The following HIVEP3 variants were observed in gnomAD, a reference collection of about 807,000 sequenced individuals.
HIVEP3 encodes transcription factor HIVEP3.
A neutral mutation model predicts 152.8 loss-of-function variants in HIVEP3; 49 were observed. The ratio of observed to expected loss-of-function variants is 0.32; its 90% CI spans 0.26 to 0.41. HIVEP3 has a LOEUF of 0.41. HIVEP3 is among the 10% of genes least tolerant of loss of function. The pLI is 1.00. For synonymous variants in HIVEP3, 1,269 were observed against 1,289.0 expected (o/e 0.98, Z 0.33); for missense variants, 2,790 against 3,103.3 (o/e 0.90, Z 2.40).
intron 5 of HIVEP3, among the ~76,000 whole-genome samples, chr1:41,541,407 A>AG (rs1643528297): frequency 6.6e-6 from 1 of 152,110 alleles, no homozygotes; most frequent in African/African-American, 2.4e-5. Flanking sequence ...TCCCTTTGTG[A>AG]GCCCCATGGC....
chr1:41,743,892 A>T (rs544530761), intron 1 of HIVEP3, among the ~76,000 whole-genome samples: 57 of 152,086 alleles, frequency 3.7e-4, no homozygotes, highest in Non-Finnish European at 7.4e-4. Flanking sequence ...TGGGGGAGGG[A>T]GGGACTCCCT....
In HIVEP3 at chr1:41,679,215, C is replaced by T. The variant is rs145051168; in HGVS notation, c.-721+21701G>A. Among the ~76,000 whole-genome samples, 359 of 152,298 alleles carry T rather than the reference C, an allele frequency of 2.4e-3. 3 individuals are homozygous for T. Among genetic ancestry groups the T allele is most frequent in the South Asian group, 0.015 (74 of 4,820 alleles). The stretch of plus-strand genomic sequence containing the variant: ...CCACTCCCCTACTCTTTTTGACATG[C>T]GTCCAATTCTGGTGGCTCAAGTTTT... On this transcript the variant is annotated intron_variant, in intron 2 of 8. Coordinates refer to ENST00000372583, the MANE Select transcript of HIVEP3 (RefSeq NM_024503.5).
rs149173840 is a variant in HIVEP3 at position 41,864,894 on chromosome 1, A to C, written c.-801+53519T>G. Among the ~76,000 whole-genome samples the C allele has an allele frequency of 8.5e-5, 13 of 152,324 alleles. No homozygotes were observed. The East Asian group carries it at 2.1e-3, about 25-fold the overall frequency. On this transcript the variant is annotated intron_variant, in intron 1 of 8. Transcript: ENST00000372583. ...TCACCCTTGACCCAGCCCATTCATC[A>C]GTATGTTGATAAGCAGATTCTCTTC...
chr1:41,513,686 G>T lies in HIVEP3; in HGVS notation c.5535C>A (p.His1845Gln). Residue 1845 changes from histidine (H) to glutamine (Q), a missense_variant, in exon 8 of 9, where the codon CAC becomes CAA. Transcript: ENST00000372583. ...CCGAGTCCTCCAGGTCCGAAAACTG[G>T]TGCTCCTCCACAGCCTCTGAACCCT... ...GREGSEAVEE[H>Q]QFSDLEDSDS... 1.2e-6 allele frequency: 2 copies of T among 1,611,588 alleles called. No homozygotes were observed. Among genetic ancestry groups the T allele is most frequent in the Non-Finnish European group, 1.7e-6 (2 of 1,179,000 alleles).
chr1:41,961,160 G>A (rs1349295501), intron 1 of HIVEP3, among the ~76,000 whole-genome samples: 4 of 152,200 alleles, frequency 2.6e-5, no homozygotes, highest in Non-Finnish European at 5.9e-5. Context: ...ACCAAGCTGT[G>A]TGGAAGCTCA....
intron 1 of HIVEP3, among the ~76,000 whole-genome samples, chr1:41,887,198 C>T (rs552167180): frequency 4.0e-5 from 6 of 150,722 alleles, no homozygotes; most frequent in African/African-American, 1.5e-4. Flanking sequence ...AAAATATATT[C>T]AGGGAAAAAA....
intron 2 of HIVEP3, among the ~76,000 whole-genome samples, chr1:41,677,289 G>A (rs537852820): frequency 4.8e-4 from 73 of 152,306 alleles, no homozygotes; most frequent in Non-Finnish European, 4.6e-4. Context: ...CGCTTCACAC[G>A]TATAATCCGG....
intron 1 of HIVEP3, among the ~76,000 whole-genome samples, chr1:41,951,315 C>G (rs1337016979): frequency 2.0e-5 from 3 of 152,132 alleles, no homozygotes; most frequent in Non-Finnish European, 1.5e-5. Context: ...AAAAAGATAG[C>G]ACACTGTATG....
intron 5 of HIVEP3, among the ~76,000 whole-genome samples, chr1:41,544,844 TACCACCACCACCACCAC>T (rs1643661546): frequency 8.5e-5 from 1 of 11,816 alleles, no homozygotes; most frequent in East Asian, 3.3e-3. Flanking sequence ...CCACCACCAC[TACCACCACCACCACCAC>T]CACCACCACC....
intron 1 of HIVEP3, among the ~76,000 whole-genome samples, chr1:41,971,768 G>T (rs980544630): frequency 1.3e-5 from 2 of 152,118 alleles, no homozygotes; most frequent in Non-Finnish European, 2.9e-5. Context: ...AATTCATGTT[G>T]CAACTTAACC....
At chr1:41,778,159 G>C (rs1371864136) in intron 1 of HIVEP3, among the ~76,000 whole-genome samples, 2 of 152,216 alleles carry the variant, frequency 1.3e-5, no homozygotes, top group African/African-American at 4.8e-5. Context: ...CTTCGGTAAT[G>C]AACGAAGGAA....
At chr1:41,711,919 A>G (rs1646519678) in intron 1 of HIVEP3, among the ~76,000 whole-genome samples, 1 of 152,208 alleles carries the variant, frequency 6.6e-6, no homozygotes, top group East Asian at 1.9e-4. Flanking sequence ...CCAACCTTGG[A>G]GGTCAGGACA....
At chr1:41,874,240 G>A (rs1452051636) in intron 1 of HIVEP3, among the ~76,000 whole-genome samples, 6 of 152,214 alleles carry the variant, frequency 3.9e-5, no homozygotes, top group Non-Finnish European at 7.3e-5. Flanking sequence ...GTTTTTAAAA[G>A]GAGCCAAGAG....
intron 1 of HIVEP3, among the ~76,000 whole-genome samples, chr1:41,822,542 A>T (rs1478633106): frequency 6.6e-6 from 1 of 152,200 alleles, no homozygotes; most frequent in Non-Finnish European, 1.5e-5. Context: ...CACAGGGATG[A>T]AGAAAGAATA....
At chr1:41,651,411 C>CAAAAAAA (rs35508121) in intron 2 of HIVEP3, among the ~76,000 whole-genome samples, 1 of 89,066 alleles carries the variant, frequency 1.1e-5, no homozygotes, top group Non-Finnish European at 2.2e-5. Flanking sequence ...AACTCCATCT[C>CAAAAAAA]AAAAAAAAAA....
At chr1:41,722,284 A>T (rs1646684690) in intron 1 of HIVEP3, among the ~76,000 whole-genome samples, 2 of 152,162 alleles carry the variant, frequency 1.3e-5, no homozygotes, top group Non-Finnish European at 2.9e-5. Context: ...TCTAGCTCCC[A>T]GCACAGGCCT....
chr1:41,959,595 T>A (rs1481147574), intron 1 of HIVEP3, among the ~76,000 whole-genome samples: 1 of 152,154 alleles, frequency 6.6e-6, no homozygotes, highest in Non-Finnish European at 1.5e-5. Flanking sequence ...CCTGTACAGG[T>A]GAGGCACTGC....
At chr1:41,529,392 A>G (rs1436371797) in intron 5 of HIVEP3, among the ~76,000 whole-genome samples, 1 of 94,652 alleles carries the variant, frequency 1.1e-5, no homozygotes, top group Non-Finnish European at 2.1e-5. Context: ...CTCACCCTCC[A>G]CACACATGCT....
At chr1:41,898,852 G>A (rs114543352) in intron 1 of HIVEP3, among the ~76,000 whole-genome samples, 78 of 152,338 alleles carry the variant, frequency 5.1e-4, no homozygotes, top group African/African-American at 1.5e-3. Flanking sequence ...ATCTAAGAGC[G>A]CTGGTTCCCA....
Sources: allele counts gnomAD v4.1 joint callset (sites outside exome capture counted in the v4.1 genomes callset), GRCh38; gene constraint gnomAD v4.1.1; transcripts MANE v1.5; gene names NCBI Gene and HGNC (gene_info 2026-07-23, HGNC 2026-07-21).